SIPA1: variants seen among roughly 807,000 people sequenced by gnomAD.
SIPA1 encodes the protein signal-induced proliferation-associated 1.
Under a neutral mutation model 88.1 loss-of-function variants are expected in SIPA1, and 51 were observed. That is an observed-to-expected ratio of 0.58 (90% CI 0.46 to 0.73). The LOEUF (loss-of-function observed/expected upper bound fraction) is 0.73. SIPA1 is among the 30% of genes least tolerant of loss of function. The pLI is 0.00. For synonymous variants in SIPA1, 681 were observed against 664.8 expected, an observed-to-expected ratio of 1.02 and a Z score of -0.37; for missense variants, 1,348 against 1,467.6, an observed-to-expected ratio of 0.92 and a Z score of 1.33.
At chr11:65,644,397 G>T (rs1463316218) in intron 4 of SIPA1, among the ~76,000 whole-genome samples, 1 of 151,864 alleles carries the variant, frequency 6.6e-6, no homozygotes, top group African/African-American at 2.4e-5. Context: ...GGGAGTGGGG[G>T]GTGCAGGGGG....
rs942275221 is a variant in SIPA1, at chr11:65,647,483, G to C, written c.2131G>C (p.Val711Leu). The C allele has an allele frequency of 1.4e-6, 2 of 1,457,508 alleles. No homozygotes were observed. The highest frequency in any genetic ancestry group is 1.8e-6 in the Non-Finnish European group (2 of 1,112,534). 90.3% of individuals were successfully genotyped at this position (1,457,508 alleles called of 1,614,324 possible). A position where few individuals can be genotyped will look rare whatever the true frequency, so the allele number is the denominator to read the frequency against. Residue 711 changes from valine to leucine, a missense_variant, in exon 9 of 16, where the codon GTG becomes CTG. Physicochemically the swap from Val to Leu is conservative, Grantham distance 32. Around this residue, in one of 4 missense-constraint regions of SIPA1, gnomAD observed 615 missense variants for 559.8 expected, o/e 1.10. Transcript: ENST00000534313. Reference protein sequence around the residue: ...EVDAEGFVTHVERFTFAETAG... With the variant: ...EVDAEGFVTHLERFTFAETAG... ...GGACGCCGAGGGATTCGTCACGCAC[G>C]TGGAGCGCTTCACATTCGCCGAGAC...
intron 1 of SIPA1, among the ~76,000 whole-genome samples, chr11:65,638,870 C>A (rs1472400932): frequency 2.0e-5 from 3 of 152,246 alleles, no homozygotes; most frequent in Non-Finnish European, 4.4e-5. Context: ...ATGCACAGAT[C>A]TCACTTCCAA....
chr11:65,647,308 ACG>A (rs2135525387), intron 8 of SIPA1, 74 bp from the exon 9 acceptor site: 1 of 1,368,846 alleles, frequency 7.3e-7, no homozygotes, highest in African/African-American at 1.5e-5. Context: ...GTGGCCTGGG[ACG>A]CAGTCCAGGG....
rs1856148010 is a variant in SIPA1 at position 65,647,371 on chromosome 11, G to T, written c.2032-13G>T. 1.4e-6 allele frequency: 2 copies of T among 1,414,998 alleles called. No individual in the cohort carries two copies. The highest frequency in any genetic ancestry group is 1.8e-6 in the Non-Finnish European group (2 of 1,094,050). The allele number at this position is 1,414,998 out of a possible 1,614,324, so 87.7% of individuals were successfully genotyped here. The stretch of plus-strand genomic sequence containing the variant: ...CCCGGCAGCCCCGCCCACTCGTCCC[G>T]CCCCGTCCGCAGCTGGTGAGCCGTG... On this transcript the variant is annotated splice_polypyrimidine_tract_variant and intron_variant, in intron 8 of 15. Coordinates refer to ENST00000534313, the MANE Select transcript of SIPA1 (RefSeq NM_006747.4).
Position 65,642,656 on chromosome 11 carries a change from G to A in SIPA1, c.984+17G>A, listed in dbSNP as rs769969958. 1 of 1,512,702 alleles carries A rather than the reference G, an allele frequency of 6.6e-7. No individual in the cohort carries two copies. The highest frequency in any genetic ancestry group is 1.4e-5 in the African/African-American group (1 of 72,702). The allele number at this position is 1,512,702 out of a possible 1,614,324, so 93.7% of individuals were successfully genotyped here. A position where few individuals can be genotyped will look rare whatever the true frequency, so the allele number is the denominator to read the frequency against. On this transcript the variant is annotated intron_variant, in intron 4 of 15. Coordinates refer to ENST00000534313, the MANE Select transcript of SIPA1 (RefSeq NM_006747.4). This position sits in a 1 kb window ranked among gnomAD's most constrained non-coding sequence, Gnocchi z 6.5. ...GAGCAAGTGGTGAGTGGCGGGCCGC[G>A]GAGCCCCCAGCCATACAGCTGGCCC...
At position 65,650,412 on chromosome 11, in the gene SIPA1, G is replaced by C. The variant is rs1409146007; in HGVS notation, c.2915G>C (p.Gly972Ala). 2.5e-6 allele frequency: 4 copies of C among 1,613,894 alleles called. No homozygotes were observed. The East Asian group carries it at 6.7e-5, about 27-fold the overall frequency. ...TPKSDAEPEP[G>A]NLSEKVSHLE... ...CCCCATGTCTTCAGGCCAGAGCCTGGGAACCTCTCAGAGAAGGTCTCTCAC... is the reference window on the plus strand; with the variant it reads ...CCCCATGTCTTCAGGCCAGAGCCTGCGAACCTCTCAGAGAAGGTCTCTCAC... The change falls in exon 15 of 16, where the codon GGG becomes GCG. Residue 972 changes from glycine to alanine, a missense_variant. Around this residue, in one of 4 missense-constraint regions of SIPA1, gnomAD observed 615 missense variants for 559.8 expected, o/e 1.10. Coordinates refer to ENST00000534313, the MANE Select transcript of SIPA1 (RefSeq NM_006747.4).
intron 4 of SIPA1, among the ~76,000 whole-genome samples, chr11:65,643,872 G>GGGATAC (rs1195826250): frequency 1.3e-5 from 2 of 152,172 alleles, no homozygotes; most frequent in Non-Finnish European, 1.5e-5. Context: ...GAGCCATGGA[G>GGGATAC]GGATACGGTG....
chr11:65,647,644 C>T lies in SIPA1; in HGVS notation c.2292C>T (p.Ser764=). Residue 764 remains serine, a synonymous_variant, in exon 9 of 16, where the codon AGC becomes AGT. Coordinates refer to ENST00000534313, the MANE Select transcript of SIPA1 (RefSeq NM_006747.4). The part of the protein sequence containing the change: ...VCVTVLPPDE[S]GRPRRSFSEL... ...TCACCGTCCTGCCCCCCGACGAGAG[C>T]GGCCGGCCCCGCAGGTCAGGGTGCC... The T allele has an allele frequency of 5.1e-6, 7 of 1,372,350 alleles. No homozygotes were observed. The highest frequency in any genetic ancestry group is 5.6e-6 in the Non-Finnish European group (6 of 1,065,526). 85.0% of individuals were successfully genotyped at this position (1,372,350 alleles called of 1,614,324 possible).
chr11:65,650,526 A>G, intron 15 of SIPA1, 43 bp from the exon 16 acceptor site: 1 of 1,612,726 alleles, frequency 6.2e-7, no homozygotes. Context: ...CTGCCCCAGG[A>G]AAGGGGCTGG....
chr11:65,649,617 C>T lies in SIPA1; in HGVS notation c.2582C>T (p.Ala861Val). 1 of 1,614,108 alleles carries T rather than the reference C, an allele frequency of 6.2e-7. No individual in the cohort carries two copies. The highest frequency in any genetic ancestry group is 8.5e-7 in the Non-Finnish European group (1 of 1,180,030). Residue 861 changes from alanine to valine, a missense_variant, in exon 11 of 16, where the codon GCC (alanine) becomes GTC (valine). Physicochemically the swap from Ala to Val is moderately conservative, Grantham distance 64 (BLOSUM62 0). Around this residue, in one of 4 missense-constraint regions of SIPA1, gnomAD observed 615 missense variants for 559.8 expected, o/e 1.10. Transcript: ENST00000534313. The part of the protein sequence containing the change: ...LPNTTPDLLL[A>V]TTAKPSVPSA... ...AACACCACCCCGGACCTCCTCCTGG[C>T]CACCACAGCCAAGCCATCAGTACCC...
At chr11:65,648,267 T>C (rs1480568747) in intron 9 of SIPA1, among the ~76,000 whole-genome samples, 1 of 152,068 alleles carries the variant, frequency 6.6e-6, no homozygotes, top group Non-Finnish European at 1.5e-5. Context: ...TTTTTTTAAG[T>C]ATTGGCACCC....
intron 4 of SIPA1, among the ~76,000 whole-genome samples, chr11:65,643,717 G>A (rs1372766079): frequency 6.6e-6 from 1 of 152,236 alleles, no homozygotes; most frequent in African/African-American, 2.4e-5. Context: ...GGATAAGCAG[G>A]TGTTTTCTGG....
intron 4 of SIPA1, 118 bp from the exon 5 acceptor site, chr11:65,644,837 A>T: frequency 9.9e-7 from 1 of 1,009,386 alleles, no homozygotes; most frequent in Non-Finnish European, 1.5e-6. Flanking sequence ...GCAAGGGCAC[A>T]AGTGGCTCAG....
Position 65,647,379 on chromosome 11 carries a change from C to T in SIPA1, c.2032-5C>T, listed in dbSNP as rs1856148203. 7.0e-7 allele frequency: 1 copy of T among 1,427,342 alleles called. No homozygotes were observed. The highest frequency in any genetic ancestry group is 9.1e-7 in the Non-Finnish European group (1 of 1,099,332). The allele number at this position is 1,427,342 out of a possible 1,614,324, so 88.4% of individuals were successfully genotyped here. On this transcript the variant is annotated splice_polypyrimidine_tract_variant and splice_region_variant and intron_variant, in intron 8 of 15. Transcript: ENST00000534313. ...CCCCGCCCACTCGTCCCGCCCCGTC[C>T]GCAGCTGGTGAGCCGTGGCTGCGAG...
rs756422511 is a variant in SIPA1 at position 65,650,011 on chromosome 11, C to G, written c.2808C>G (p.Ala936=). Residue 936 remains alanine, a synonymous_variant, in exon 13 of 16, where the codon GCC becomes GCG. Coordinates refer to ENST00000534313, the MANE Select transcript of SIPA1 (RefSeq NM_006747.4). ...EDEWQAISEI[A]STCNTILESL... is the part of the protein sequence containing the mutation. ...AGTGGCAGGCCATCTCGGAGATTGC[C>G]TCTACTTGCAACACCATTCTGGAGT... 3.6e-5 allele frequency: 58 copies of G among 1,613,900 alleles called. No homozygotes were observed. In the Middle Eastern group the frequency reaches 1.3e-3, roughly 37 times the overall value.
rs766692362 is a variant in SIPA1, at chr11:65,642,207, C to T, written c.680-43C>T. 7 of 1,538,292 alleles carry T rather than the reference C, an allele frequency of 4.6e-6. No homozygotes were observed. The Admixed American group carries it at 1.5e-4, about 33-fold the overall frequency. On this transcript the variant is annotated intron_variant, in intron 2 of 15. Coordinates refer to ENST00000534313, the MANE Select transcript of SIPA1 (RefSeq NM_006747.4). The surrounding 1 kb of genome is among the most constrained non-coding windows in gnomAD (Gnocchi z 6.5). Reference sequence around the variant, plus strand: ...GCGTGGTCGAGCGGGGGCGGGGCTGCCAGAGGGCGGGACCAATCGTTTTCT... The same window carrying T: ...GCGTGGTCGAGCGGGGGCGGGGCTGTCAGAGGGCGGGACCAATCGTTTTCT...
At chr11:65,650,507 G>A (rs781486064) in intron 15 of SIPA1, 28 bp downstream of exon 15, 7 of 1,613,788 alleles carry the variant, frequency 4.3e-6, no homozygotes, top group Non-Finnish European at 5.9e-6. Context: ...CTTGGGGGGA[G>A]TCACAGGGCT....
Position 65,641,115 on chromosome 11 carries a change from C to T in SIPA1, c.194C>T (p.Pro65Leu). The T allele has an allele frequency of 6.2e-7, 1 of 1,601,568 alleles. No individual in the cohort carries two copies. Among genetic ancestry groups the T allele is most frequent in the Non-Finnish European group, 8.5e-7 (1 of 1,178,840 alleles). ...SDAGEARPPT[P>L]ASPRARAHSH... ...GCAGGCGAGGCCAGGCCCCCCACGC[C>T]AGCCAGCCCCCGTGCCCGTGCCCAC... Residue 65 changes from proline to leucine, a missense_variant, in exon 2 of 16, where the codon CCA (proline) becomes CTA (leucine). Coordinates refer to ENST00000534313, the MANE Select transcript of SIPA1 (RefSeq NM_006747.4).
rs544723700 is a variant in SIPA1, at chr11:65,648,411, C to T, written c.2306+753C>T. 3.9e-5 allele frequency among the ~76,000 whole-genome samples: 6 copies of T among 152,314 alleles called. No individual in the cohort carries two copies. In the South Asian group the frequency reaches 1.2e-3, roughly 32 times the overall value. On this transcript the variant is annotated intron_variant, in intron 9 of 15. Transcript: ENST00000534313. Reference sequence around the variant, plus strand: ...GACCATCTGGTCTCTGCCGCAGCTACTCTGTCGTAGGTAAATGAATAAATA... The same window carrying T: ...GACCATCTGGTCTCTGCCGCAGCTATTCTGTCGTAGGTAAATGAATAAATA...
Sources: gnomAD v4.1 joint callset for allele counts (sites outside exome capture counted in the v4.1 genomes callset) on GRCh38, gnomAD v4.1.1 for gene constraint, gnomAD v4.1.1 regional missense constraint, Gnocchi (gnomAD v3.1) non-coding constraint, MANE v1.5 for transcripts, NCBI Gene and HGNC (gene_info 2026-07-23, HGNC 2026-07-21) for gene names.